COMMD10: variants seen among roughly 807,000 people sequenced by gnomAD.
COMMD10 encodes the protein COMM domain containing 10.
A neutral mutation model predicts 28.9 loss-of-function variants in COMMD10; 33 were observed. The ratio of observed to expected loss-of-function variants is 1.14; its 90% confidence interval spans 0.87 to 1.53. The LOEUF is 1.53. COMMD10 is among the 40% of genes most tolerant of loss of function. The pLI is 0.00. For synonymous variants in COMMD10, 110 were observed against 81.7 expected (o/e 1.35, Z -1.87); for missense variants, 310 against 233.4 (o/e 1.33, Z -2.14).
intron 5 of COMMD10, among the ~76,000 whole-genome samples, chr5:116,223,837 T>C (rs1015616472): frequency 1.3e-5 from 2 of 152,182 alleles, no homozygotes; most frequent in African/African-American, 4.8e-5. Flanking sequence ...AATTACCTGA[T>C]TAAAATAAGG....
chr5:116,126,696 T>C (rs1376936637), intron 4 of COMMD10, among the ~76,000 whole-genome samples: 1 of 152,084 alleles, frequency 6.6e-6, no homozygotes, highest in Non-Finnish European at 1.5e-5. Flanking sequence ...ATTTAATAAA[T>C]GTTGCTGGGA....
chr5:116,128,762 A>G (rs1327225553), intron 4 of COMMD10, among the ~76,000 whole-genome samples: 1 of 152,016 alleles, frequency 6.6e-6, no homozygotes, highest in African/African-American at 2.4e-5. Context: ...CTTTGCTTTT[A>G]GGACATTGAT....
intron 5 of COMMD10, among the ~76,000 whole-genome samples, chr5:116,215,000 A>G (rs542628093): frequency 6.6e-6 from 1 of 152,220 alleles, no homozygotes; most frequent in Admixed American, 6.5e-5. Context: ...CCAGCCTTCT[A>G]TGCAAATAGA....
Position 116,257,344 on chromosome 5 carries a change from T to G in COMMD10, c.511-34173T>G, listed in dbSNP as rs1750315964. Among the ~76,000 whole-genome samples, 3 of 151,718 alleles carry G rather than the reference T, an allele frequency of 2.0e-5. No homozygotes were observed. In the South Asian group the frequency reaches 6.2e-4, roughly 31 times the overall value. On this transcript the variant is annotated intron_variant, in intron 5 of 6. Transcript: ENST00000274458. ...TTTATAGAGATTTTAAATATATAAC[T>G]TGTTGTCTACTGAGTAAAAGATGGG...
intron 5 of COMMD10, among the ~76,000 whole-genome samples, chr5:116,164,695 T>C (rs1307538064): frequency 2.0e-5 from 3 of 152,240 alleles, no homozygotes; most frequent in Non-Finnish European, 4.4e-5. Flanking sequence ...TATTTACTCA[T>C]AATAATATCT....
intron 5 of COMMD10, among the ~76,000 whole-genome samples, chr5:116,147,765 A>G (rs577378733): frequency 3.3e-5 from 5 of 152,070 alleles, no homozygotes; most frequent in East Asian, 1.9e-4. Flanking sequence ...TTTAAAAATT[A>G]CACAAGTAAT....
chr5:116,087,580 A>C lies in COMMD10; in HGVS notation c.125A>C (p.His42Pro). 6.3e-7 allele frequency: 1 copy of C among 1,599,102 alleles called. No individual in the cohort carries two copies. Among genetic ancestry groups the C allele is most frequent in the South Asian group, 1.1e-5 (1 of 90,794 alleles). Residue 42 changes from histidine (H) to proline (P), a missense_variant, in exon 2 of 7, where the codon CAC (histidine) becomes CCC (proline). His to Pro is a moderately conservative substitution (Grantham distance 77). Coordinates refer to ENST00000274458, the MANE Select transcript of COMMD10 (RefSeq NM_016144.4). ...RLLTRILQKL[H>P]LKAESSFSEE... ...CTCACTCGGATTCTTCAAAAACTTC[A>C]CCTGAAGGTTTGTATTTGTGTGTTT...
At chr5:116,216,138 G>A (rs905018888) in intron 5 of COMMD10, among the ~76,000 whole-genome samples, 1 of 152,090 alleles carries the variant, frequency 6.6e-6, no homozygotes, top group Admixed American at 6.5e-5. Context: ...AAGAACCCCA[G>A]TATCCAATAT....
chr5:116,246,399 A>G (rs1749952587), intron 5 of COMMD10, among the ~76,000 whole-genome samples: 1 of 152,062 alleles, frequency 6.6e-6, no homozygotes, highest in Non-Finnish European at 1.5e-5. Flanking sequence ...AAAAATGGCC[A>G]TACTTCCCAA....
At chr5:116,102,292 G>A (rs909421359) in intron 4 of COMMD10, among the ~76,000 whole-genome samples, 2 of 152,136 alleles carry the variant, frequency 1.3e-5, no homozygotes, top group Non-Finnish European at 2.9e-5. Flanking sequence ...AGTTTTCTCA[G>A]CACCATTTAT....
At chr5:116,257,945 C>T (rs994034299) in intron 5 of COMMD10, among the ~76,000 whole-genome samples, 1 of 151,518 alleles carries the variant, frequency 6.6e-6, no homozygotes, top group Admixed American at 6.6e-5. Context: ...TTATTTGGTT[C>T]TGTGCGATAT....
At chr5:116,126,323 C>T (rs914389945) in intron 4 of COMMD10, among the ~76,000 whole-genome samples, 21 of 152,078 alleles carry the variant, frequency 1.4e-4, no homozygotes, top group Non-Finnish European at 2.4e-4. Context: ...TAGGAAGAAT[C>T]GATATCATGA....
At chr5:116,195,300 G>A (rs781101148) in intron 5 of COMMD10, among the ~76,000 whole-genome samples, 1 of 152,092 alleles carries the variant, frequency 6.6e-6, no homozygotes, top group Non-Finnish European at 1.5e-5. Flanking sequence ...GTATAGTACT[G>A]GGAGTCCTAG....
chr5:116,175,554 C>G (rs1157876341), intron 5 of COMMD10, among the ~76,000 whole-genome samples: 1 of 152,072 alleles, frequency 6.6e-6, no homozygotes. Flanking sequence ...ATAGCAAGGA[C>G]TCAGATATTT....
At chr5:116,230,657 T>G (rs1749507074) in intron 5 of COMMD10, among the ~76,000 whole-genome samples, 1 of 152,074 alleles carries the variant, frequency 6.6e-6, no homozygotes, top group Admixed American at 6.6e-5. Flanking sequence ...GTAGACAAGT[T>G]GTTTTAAAAA....
At chr5:116,140,039 AT>A (rs1752147497) in intron 5 of COMMD10, among the ~76,000 whole-genome samples, 1 of 151,290 alleles carries the variant, frequency 6.6e-6, no homozygotes. Flanking sequence ...GCTTCTCCCC[AT>A]TTTTTCCCTT....
At chr5:116,102,227 T>C (rs987379972) in intron 4 of COMMD10, among the ~76,000 whole-genome samples, 2 of 152,246 alleles carry the variant, frequency 1.3e-5, no homozygotes. Context: ...CTTGAGATTT[T>C]TTTTATATGA....
At chr5:116,189,921 C>T (rs555427887) in intron 5 of COMMD10, among the ~76,000 whole-genome samples, 8 of 152,284 alleles carry the variant, frequency 5.3e-5, no homozygotes, top group African/African-American at 1.9e-4. Context: ...GTACTCCTGA[C>T]CTTCTGAAAA....
At chr5:116,161,398 TAGAG>T (rs1356203525) in intron 5 of COMMD10, among the ~76,000 whole-genome samples, 2 of 152,018 alleles carry the variant, frequency 1.3e-5, no homozygotes, top group African/African-American at 4.8e-5. Flanking sequence ...TTGTTGGGGA[TAGAG>T]AGAATTTCAG....
Sources: gnomAD v4.1 joint callset for allele counts (sites outside exome capture counted in the v4.1 genomes callset) on GRCh38, gnomAD v4.1.1 for gene constraint, MANE v1.5 for transcripts, NCBI Gene and HGNC (gene_info 2026-07-23, HGNC 2026-07-21) for gene names.